HEPHL1: variants seen among roughly 807,000 people sequenced by gnomAD.
HEPHL1 encodes the protein hephaestin like 1.
A neutral mutation model predicts 122.0 loss-of-function variants in HEPHL1; 123 were observed. The observed-to-expected ratio is 1.01, with a 90% CI of 0.87 to 1.17. The LOEUF is 1.17. Ranked by LOEUF, HEPHL1 falls within the 50% of genes most tolerant of loss-of-function variation. HEPHL1 has a pLI of 0.00. For missense variants in HEPHL1, 1,452 were observed against 1,430.5 expected (o/e 1.01, Z -0.24); for synonymous variants, 527 against 508.9 (o/e 1.04, Z -0.48).
At chr11:94,071,864 G>T (rs2176565) in intron 6 of HEPHL1, among the ~76,000 whole-genome samples, 1 of 151,992 alleles carries the variant, frequency 6.6e-6, no homozygotes, top group African/African-American at 2.4e-5. Context: ...TTTAGATGGA[G>T]GGGTTGATGC....
At chr11:94,071,577 T>C (rs1946074213) in intron 6 of HEPHL1, among the ~76,000 whole-genome samples, 1 of 152,142 alleles carries the variant, frequency 6.6e-6, no homozygotes, top group African/African-American at 2.4e-5. Context: ...ATTCAATCAA[T>C]GTTTAATGTG....
intron 1 of HEPHL1, among the ~76,000 whole-genome samples, chr11:94,037,539 C>A (rs1188226405): frequency 1.3e-5 from 2 of 152,134 alleles, no homozygotes; most frequent in Non-Finnish European, 2.9e-5. Context: ...GGCAGACTGC[C>A]TCCTCAAGTG....
Position 94,045,815 on chromosome 11 carries a change from A to T in HEPHL1, c.313A>T (p.Arg105Trp). The T allele has an allele frequency of 6.2e-7, 1 of 1,613,936 alleles. No individual in the cohort carries two copies. The highest frequency in any genetic ancestry group is 8.5e-7 in the Non-Finnish European group (1 of 1,179,858). The change falls in exon 2 of 20, where the codon AGG becomes TGG. Residue 105 changes from arginine (R) to tryptophan (W), a missense_variant. Arg to Trp is a moderately radical substitution (Grantham distance 101). Transcript: ENST00000315765. Reference protein sequence around the residue: ...PWLGFLGPILRAEVGDVIVIH... With the variant: ...PWLGFLGPILWAEVGDVIVIH... ...GCTTGGATTCCTGGGCCCCATCTTG[A>T]GGGCCGAAGTGGGTGATGTGATTGT...
intron 1 of HEPHL1, among the ~76,000 whole-genome samples, chr11:94,043,592 G>A (rs1301874719): frequency 6.6e-6 from 1 of 152,190 alleles, no homozygotes; most frequent in East Asian, 1.9e-4. Context: ...CACAGAGAAT[G>A]AGAGTGGGAC....
chr11:94,101,319 G>A lies in HEPHL1; in HGVS notation c.2559G>A (p.Val853=). ...EEMDSGKQFQ[V]PMTKPGEVKT... is the part of the protein sequence containing the mutation. ...TGGATAGTGGAAAGCAATTCCAAGT[G>A]CCCATGACAAAACCAGGTAAGTTGT... The change falls in exon 14 of 20, where the codon GTG becomes GTA. Residue 853 remains valine, a synonymous_variant. Coordinates refer to ENST00000315765, the MANE Select transcript of HEPHL1 (RefSeq NM_001098672.2). 6.2e-7 allele frequency: 1 copy of A among 1,612,652 alleles called. No individual in the cohort carries two copies. The highest frequency in any genetic ancestry group is 8.5e-7 in the Non-Finnish European group (1 of 1,179,096).
intron 2 of HEPHL1, among the ~76,000 whole-genome samples, chr11:94,049,129 CAAA>C (rs35825154): frequency 2.6e-5 from 4 of 151,264 alleles, no homozygotes; most frequent in Non-Finnish European, 5.9e-5. Flanking sequence ...TCAAAAGAAA[CAAA>C]AAAAAACAAA....
chr11:94,079,164 T>C (rs1437621377), intron 9 of HEPHL1, among the ~76,000 whole-genome samples: 1 of 152,212 alleles, frequency 6.6e-6, no homozygotes, highest in Non-Finnish European at 1.5e-5. Flanking sequence ...TTTAGCTAAG[T>C]CATCTCATTT....
At position 94,073,366 on chromosome 11, in the gene HEPHL1, C is replaced by T. The variant is rs752011824; in HGVS notation, c.1431C>T (p.Ala477=). The change falls in exon 8 of 20, where the codon GCC becomes GCT. Residue 477 remains alanine, a synonymous_variant. Transcript: ENST00000315765. ...DTLLVTFANK[A]DKVYSILPHG... ...TGTTAGTGACCTTTGCCAACAAAGCCGACAAGGTCTATAGCATTTTACCCC... is the reference window on the plus strand; with the variant it reads ...TGTTAGTGACCTTTGCCAACAAAGCTGACAAGGTCTATAGCATTTTACCCC... 1.4e-5 allele frequency: 23 copies of T among 1,592,042 alleles called. No homozygotes were observed. The highest frequency in any genetic ancestry group is 1.1e-4 in the South Asian group (10 of 87,670).
In HEPHL1 at chr11:94,024,821, G is replaced by A. The variant is rs559612572; in HGVS notation, c.170+3283G>A. ...CTGATGATAGATAAGAAGTTTTGGCGTATATTCAATAATCCCCCTTCCCTG... is the reference window on the plus strand; with the variant it reads ...CTGATGATAGATAAGAAGTTTTGGCATATATTCAATAATCCCCCTTCCCTG... On this transcript the variant is annotated intron_variant, in intron 1 of 19. Coordinates refer to ENST00000315765, the MANE Select transcript of HEPHL1 (RefSeq NM_001098672.2). Among the ~76,000 whole-genome samples the A allele has an allele frequency of 9.2e-5, 14 of 152,178 alleles. No individual in the cohort carries two copies. The East Asian group carries it at 1.4e-3, about 15-fold the overall frequency.
At chr11:94,052,570 T>G (rs1945899545) in intron 2 of HEPHL1, among the ~76,000 whole-genome samples, 1 of 152,144 alleles carries the variant, frequency 6.6e-6, no homozygotes, top group Non-Finnish European at 1.5e-5. Context: ...AAGGATAATC[T>G]GACTTTTTCC....
At chr11:94,042,888 A>ACAAAAAACAAACAAAAC (rs1945798998) in intron 1 of HEPHL1, among the ~76,000 whole-genome samples, 1 of 114,432 alleles carries the variant, frequency 8.7e-6, no homozygotes, top group South Asian at 2.5e-4. Context: ...AAAAAAAAAA[A>ACAAAAAACAAACAAAAC]AAAAACTGCA....
chr11:94,099,131 C>T (rs540228191), intron 13 of HEPHL1, among the ~76,000 whole-genome samples: 27 of 152,154 alleles, frequency 1.8e-4, no homozygotes, highest in Non-Finnish European at 3.5e-4. Flanking sequence ...GTTTTTTCCC[C>T]ATCTTTGTGG....
At chr11:94,064,306 C>G (rs1312115035) in intron 3 of HEPHL1, 25 bp from the exon 4 acceptor site, 1 of 1,573,706 alleles carries the variant, frequency 6.4e-7, no homozygotes, top group Admixed American at 1.7e-5. Flanking sequence ...TTCTTTCTCT[C>G]TACTCTTTTG....
In HEPHL1 at chr11:94,093,552, C is replaced by G; in HGVS notation, c.2346C>G (p.Tyr782Ter). ...CTGAAAATTGGATTGGCTCTCAGTA[C>G]AAGAAGGTGGTTTACAGGGAATATA... ...NRTENWIGSQ[Y>*]KKVVYREYTD... The change falls in exon 13 of 20, where the codon TAC (tyrosine) becomes TAG (stop). Residue 782 changes from tyrosine to a stop codon, truncating the protein, a stop_gained. Transcript: ENST00000315765. LOFTEE classifies it high-confidence loss of function. The G allele has an allele frequency of 1.2e-6, 2 of 1,613,628 alleles. No individual in the cohort carries two copies. Among genetic ancestry groups the G allele is most frequent in the Non-Finnish European group, 1.7e-6 (2 of 1,179,770 alleles).
chr11:94,034,795 C>T (rs76741659), intron 1 of HEPHL1, among the ~76,000 whole-genome samples: 1,566 of 152,270 alleles, frequency 0.01, 27 homozygotes, highest in African/African-American at 0.035. Flanking sequence ...TAACATCCCC[C>T]AAATCAGGCA....
rs528891713 is a variant in HEPHL1, at chr11:94,099,899, G to A, written c.2435-1296G>A. 9.2e-5 allele frequency among the ~76,000 whole-genome samples: 14 copies of A among 152,270 alleles called. No homozygotes were observed. In the East Asian group the frequency reaches 2.5e-3, roughly 27 times the overall value. On this transcript the variant is annotated intron_variant, in intron 13 of 19. Coordinates refer to ENST00000315765, the MANE Select transcript of HEPHL1 (RefSeq NM_001098672.2). ...AGGGTAGGAGTGACCCGATTTTCCAGGTGCCATCTGTCACAGCTTCCCTTG... is the reference window on the plus strand; with the variant it reads ...AGGGTAGGAGTGACCCGATTTTCCAAGTGCCATCTGTCACAGCTTCCCTTG...
rs558845673 is a variant in HEPHL1 at position 94,037,832 on chromosome 11, C to T, written c.171-7841C>T. On this transcript the variant is annotated intron_variant, in intron 1 of 19. Coordinates refer to ENST00000315765, the MANE Select transcript of HEPHL1 (RefSeq NM_001098672.2). The stretch of plus-strand genomic sequence containing the variant: ...GAGCGCCTCTCCTCCTCCAAAGGAA[C>T]GCAGTTCCTCACCAGCAACGGAACA... Among the ~76,000 whole-genome samples the T allele has an allele frequency of 3.8e-3, 573 of 150,520 alleles. 2 individuals are homozygous for T. Among genetic ancestry groups the T allele is most frequent in the African/African-American group, 0.013 (508 of 39,912 alleles).
At position 94,093,619 on chromosome 11, in the gene HEPHL1, G is replaced by A. The variant is rs758984013; in HGVS notation, c.2413G>A (p.Glu805Lys). ...GGAGATCAAAGCCCGACCACCACGA[G>A]AGGAGCACTTAGAACTCCTGGGTAT... is the stretch of plus-strand genomic sequence containing the variant. ...FVEIKARPPR[E>K]EHLELLGPMI... is the part of the protein sequence containing the mutation. The change falls in exon 13 of 20, where the codon GAG becomes AAG. Residue 805 changes from glutamate (E) to lysine (K), a missense_variant. By Grantham distance (56) the Glu-to-Lys change is moderately conservative. Transcript: ENST00000315765. 1 of 1,613,566 alleles carries A rather than the reference G, an allele frequency of 6.2e-7. No individual in the cohort carries two copies. The highest frequency in any genetic ancestry group is 8.5e-7 in the Non-Finnish European group (1 of 1,179,792).
chr11:94,104,547 T>A lies in HEPHL1; in HGVS notation c.2702T>A (p.Met901Lys). 1 of 1,613,118 alleles carries A rather than the reference T, an allele frequency of 6.2e-7. No individual in the cohort carries two copies. The highest frequency in any genetic ancestry group is 8.5e-7 in the Non-Finnish European group (1 of 1,179,126). The change falls in exon 16 of 20, where the codon ATG (methionine) becomes AAG (lysine). Residue 901 changes from methionine (M) to lysine (K), a missense_variant. Transcript: ENST00000315765. The stretch of plus-strand genomic sequence containing the variant: ...TTCCAGGATACGTATAGTGGTTTGA[T>A]GGGTCCTCTGATTACATGCCGAAAA... The part of the protein sequence containing the change: ...NFVKDTYSGL[M>K]GPLITCRKGV...
Sources: gnomAD v4.1 joint callset for allele counts (sites outside exome capture counted in the v4.1 genomes callset) on GRCh38, gnomAD v4.1.1 for gene constraint, MANE v1.5 for transcripts, NCBI Gene and HGNC (gene_info 2026-07-23, HGNC 2026-07-21) for gene names.